The following TTC6 variants were observed in gnomAD, a reference collection of about 807,000 sequenced individuals.
The protein encoded by TTC6 is tetratricopeptide repeat domain 6.
Under a neutral mutation model 210.4 loss-of-function variants are expected in TTC6, and 172 were observed. The ratio of observed to expected loss-of-function variants is 0.82; its 90% CI spans 0.72 to 0.93. The LOEUF (loss-of-function observed/expected upper bound fraction) is 0.93. TTC6 is among the 40% of genes least tolerant of loss of function. The pLI, the probability that TTC6 is intolerant of heterozygous loss-of-function variation, is 0.00. For missense variants in TTC6, 2,414 were observed against 2,318.1 expected (o/e 1.04, Z -0.85); for synonymous variants, 804 against 819.6 (o/e 0.98, Z 0.32).
chr14:37,596,213 A>G (rs1257079886), intron 1 of TTC6, among the ~76,000 whole-genome samples: 1 of 152,190 alleles, frequency 6.6e-6, no homozygotes, highest in Non-Finnish European at 1.5e-5. Flanking sequence ...CAGCCGCTTC[A>G]GGGAGTGAGC....
At chr14:37,780,762 A>G (rs778738082) in intron 14 of TTC6, among the ~76,000 whole-genome samples, 4 of 152,030 alleles carry the variant, frequency 2.6e-5, no homozygotes, top group Non-Finnish European at 4.4e-5. Flanking sequence ...TATTTATCCT[A>G]ATGTTATCCT....
At chr14:37,774,651 A>C (rs1319003205) in intron 14 of TTC6, among the ~76,000 whole-genome samples, 1 of 152,098 alleles carries the variant, frequency 6.6e-6, no homozygotes, top group Non-Finnish European at 1.5e-5. Flanking sequence ...TATTTTGCTG[A>C]GGATTTTTGC....
At chr14:37,804,652 C>G in intron 20 of TTC6, 28 bp from the exon 23 acceptor site, 1 of 1,602,290 alleles carries the variant, frequency 6.2e-7, no homozygotes, top group Non-Finnish European at 8.5e-7. Context: ...ACATTTCTTG[C>G]CCCCTCCCTG....
At chr14:37,696,588 T>G in intron 3 of TTC6, 129 bp from the exon 6 acceptor site, 1 of 408,170 alleles carries the variant, frequency 2.4e-6, no homozygotes, top group Non-Finnish European at 4.2e-6. Context: ...AATTTACTTT[T>G]AGCATTCTGT....
At chr14:37,668,111 G>T in intron 1 of TTC6, among the ~76,000 whole-genome samples, 1 of 149,992 alleles carries the variant, frequency 6.7e-6, no homozygotes, top group African/African-American at 2.4e-5. Flanking sequence ...CACCAGCCTG[G>T]GCGACAGTGT....
chr14:37,633,485 T>C (rs562588916), intron 1 of TTC6, among the ~76,000 whole-genome samples: 1 of 152,244 alleles, frequency 6.6e-6, no homozygotes, highest in East Asian at 1.9e-4. Context: ...TGTGATGAGC[T>C]GTGTACCTCA....
chr14:37,627,672 A>G (rs2095662659), intron 1 of TTC6, among the ~76,000 whole-genome samples: 1 of 152,168 alleles, frequency 6.6e-6, no homozygotes, highest in African/African-American at 2.4e-5. Context: ...AATGGTGTAT[A>G]TGTGCCACAT....
At chr14:37,612,589 G>A (rs554593799) in intron 2 of TTC6, among the ~76,000 whole-genome samples, 7 of 152,252 alleles carry the variant, frequency 4.6e-5, no homozygotes, top group Non-Finnish European at 4.4e-5. Flanking sequence ...TGGGAGAATC[G>A]TGATTTTAAG....
At chr14:37,821,058 TCTTTCTTTTTTC>T (rs2096155748) in intron 26 of TTC6, among the ~76,000 whole-genome samples, 2 of 150,988 alleles carry the variant, frequency 1.3e-5, no homozygotes, top group Non-Finnish European at 3.0e-5. Flanking sequence ...TCTTCCTTCT[TCTTTCTTTTTTC>T]CTTTCTTTTT....
chr14:37,752,435 C>T (rs539083546), intron 13 of TTC6, among the ~76,000 whole-genome samples: 1 of 151,980 alleles, frequency 6.6e-6, no homozygotes, highest in Non-Finnish European at 1.5e-5. Context: ...ATTATCTATT[C>T]TCTTCATTTC....
At chr14:37,683,723 G>A (rs903020516) in intron 3 of TTC6, among the ~76,000 whole-genome samples, 1 of 151,388 alleles carries the variant, frequency 6.6e-6, no homozygotes, top group Non-Finnish European at 1.5e-5. Flanking sequence ...TGTATATAAG[G>A]TTCAGTACTA....
intron 29 of TTC6, among the ~76,000 whole-genome samples, chr14:37,829,199 G>A (rs977465543): frequency 1.5e-4 from 23 of 151,892 alleles, no homozygotes; most frequent in Admixed American, 1.2e-3. Flanking sequence ...TATAGAATCG[G>A]ATTTTACTTT....
intron 1 of TTC6, among the ~76,000 whole-genome samples, chr14:37,678,266 A>G (rs892987527): frequency 2.6e-5 from 4 of 152,164 alleles, no homozygotes; most frequent in East Asian, 1.9e-4. Flanking sequence ...CTACTAACAG[A>G]TGATCCTTCT....
chr14:37,798,914 A>G (rs999148079), intron 20 of TTC6, among the ~76,000 whole-genome samples: 2 of 152,152 alleles, frequency 1.3e-5, no homozygotes, highest in Non-Finnish European at 2.9e-5. Flanking sequence ...TAGACCAACC[A>G]TGCATTCCTG....
At chr14:37,789,409 C>A (rs2096074406) in intron 15 of TTC6, among the ~76,000 whole-genome samples, 1 of 151,724 alleles carries the variant, frequency 6.6e-6, no homozygotes, top group Non-Finnish European at 1.5e-5. Context: ...GCCAATCATA[C>A]TGTGAACTGA....
intron 1 of TTC6, among the ~76,000 whole-genome samples, chr14:37,658,227 A>G (rs1387861684): frequency 6.6e-6 from 1 of 152,256 alleles, no homozygotes; most frequent in East Asian, 1.9e-4. Context: ...ATTAAAATAT[A>G]AAAGAACTGT....
At chr14:37,718,593 C>G (rs1231855733) in intron 6 of TTC6, among the ~76,000 whole-genome samples, 1 of 152,162 alleles carries the variant, frequency 6.6e-6, no homozygotes. Flanking sequence ...AGCAATACAG[C>G]TGCCCGTATG....
intron 3 of TTC6, among the ~76,000 whole-genome samples, chr14:37,693,514 C>T (rs2095808411): frequency 6.6e-6 from 1 of 151,572 alleles, no homozygotes; most frequent in Admixed American, 6.6e-5. Flanking sequence ...ATAGAAAAAA[C>T]AATCCTAAAA....
At chr14:37,690,864 G>A (rs777983544) in intron 3 of TTC6, among the ~76,000 whole-genome samples, 5 of 152,176 alleles carry the variant, frequency 3.3e-5, no homozygotes, top group Non-Finnish European at 7.3e-5. Flanking sequence ...GCACTATAGA[G>A]CAATGGATCT....
Sources: allele counts gnomAD v4.1 joint callset (sites outside exome capture counted in the v4.1 genomes callset), GRCh38; gene constraint gnomAD v4.1.1; transcripts MANE v1.5; gene names NCBI Gene and HGNC (gene_info 2026-07-23, HGNC 2026-07-21).